The following FRMD4B variants were observed in gnomAD, a reference collection of about 807,000 sequenced individuals.
FRMD4B encodes the protein FERM domain-containing protein 4B.
FRMD4B carries 74 observed loss-of-function variants against 141.5 expected under a neutral mutation model. The ratio of observed to expected loss-of-function variants is 0.52; its 90% confidence interval spans 0.43 to 0.63. The LOEUF (loss-of-function observed/expected upper bound fraction) is 0.63, where lower values mean the gene tolerates loss of function less well. Ranked by LOEUF, FRMD4B falls within the 30% of genes least tolerant of loss-of-function variation. The pLI, the probability that FRMD4B is intolerant of heterozygous loss-of-function variation, is 0.00. For missense variants in FRMD4B, 1,366 were observed against 1,253.4 expected (o/e 1.09, Z -1.36); for synonymous variants, 506 against 467.9 (o/e 1.08, Z -1.05).
At chr3:69,222,028 C>T (rs2093200472) in intron 8 of FRMD4B, 105 bp from the exon 9 acceptor site, 1 of 696,402 alleles carries the variant, frequency 1.4e-6, no homozygotes, top group Admixed American at 2.2e-5. Flanking sequence ...GAGAGAAAGC[C>T]TTCACCAACT....
chr3:69,247,851 G>A (rs887290713), intron 7 of FRMD4B, among the ~76,000 whole-genome samples: 1 of 152,176 alleles, frequency 6.6e-6, no homozygotes, highest in Admixed American at 6.5e-5. Context: ...GGGTTTCACC[G>A]TGTTAGTCAA....
intron 1 of FRMD4B, among the ~76,000 whole-genome samples, chr3:69,316,947 C>T (rs528602104): frequency 2.5e-4 from 38 of 152,148 alleles, no homozygotes; most frequent in Admixed American, 2.1e-3. Context: ...CATGGTGAAA[C>T]GCTGTCTCTA....
intron 2 of FRMD4B, among the ~76,000 whole-genome samples, chr3:69,416,435 T>G (rs1309025950): frequency 1.3e-5 from 2 of 152,212 alleles, no homozygotes; most frequent in African/African-American, 4.8e-5. Context: ...TGTGTGCCAC[T>G]GCACCCAGCT....
intron 1 of FRMD4B, chr3:69,536,288 T>TGGTAACTACTACCA: frequency 1.6e-6 from 1 of 630,338 alleles, no homozygotes; most frequent in Non-Finnish European, 2.9e-6. Context: ...GCCATCTCCC[T>TGGTAACTACTACCA]GGGCTGGATT....
intron 2 of FRMD4B, among the ~76,000 whole-genome samples, chr3:69,421,424 G>A (rs1704977111): frequency 6.6e-6 from 1 of 152,230 alleles, no homozygotes; most frequent in South Asian, 2.1e-4. Context: ...CAGGATGACA[G>A]GGAACAGTGG....
At chr3:69,247,297 A>T (rs1339422011) in intron 7 of FRMD4B, among the ~76,000 whole-genome samples, 1 of 152,046 alleles carries the variant, frequency 6.6e-6, no homozygotes, top group Non-Finnish European at 1.5e-5. Flanking sequence ...CTAAGTGGGG[A>T]AGGTGGGTTA....
intron 1 of FRMD4B, among the ~76,000 whole-genome samples, chr3:69,522,597 T>A (rs981582769): frequency 6.6e-6 from 1 of 152,150 alleles, no homozygotes; most frequent in Non-Finnish European, 1.5e-5. Flanking sequence ...AGGCTTCAGA[T>A]GACATTATTT....
At chr3:69,378,457 C>T (rs1274957876) in intron 1 of FRMD4B, among the ~76,000 whole-genome samples, 2 of 152,174 alleles carry the variant, frequency 1.3e-5, no homozygotes, top group Non-Finnish European at 2.9e-5. Context: ...ACCAAGCTTC[C>T]AGCCAACCAG....
intron 1 of FRMD4B, among the ~76,000 whole-genome samples, chr3:69,348,675 A>G (rs1278324329): frequency 6.6e-6 from 1 of 152,162 alleles, no homozygotes; most frequent in African/African-American, 2.4e-5. Context: ...CAAGGCTGGT[A>G]CAACATATGC....
Position 69,311,322 on chromosome 3 carries a change from C to T in FRMD4B, c.264G>A (p.Val88=). The T allele has an allele frequency of 6.2e-7, 1 of 1,603,666 alleles. No individual in the cohort carries two copies. The highest frequency in any genetic ancestry group is 8.5e-7 in the Non-Finnish European group (1 of 1,171,254). The stretch of plus-strand genomic sequence containing the variant: ...TTTCTTTCAGGTTGAAATGTGAAGC[C>T]ACTAGGTCCAGCAACTCTCTTGCTA... The part of the protein sequence containing the change: ...KLLARELLDL[V]ASHFNLKEKE... Residue 88 remains valine (V), a synonymous_variant, in exon 3 of 23, where the codon GTG becomes GTA. Transcript: ENST00000398540.
rs370000295 is a variant in FRMD4B, at chr3:69,327,960, G to A, written c.163-14443C>T. Among the ~76,000 whole-genome samples the A allele has an allele frequency of 2.2e-3, 334 of 152,252 alleles. 1 individual carries two copies. The highest frequency in any genetic ancestry group is 7.8e-3 in the African/African-American group (325 of 41,534). ...TCAGACTCTTTTTGAAGCCAATGTG[G>A]GATTCAACGATTAAAACAAAACAAC... On this transcript the variant is annotated intron_variant, in intron 1 of 22. Transcript: ENST00000398540.
chr3:69,318,827 G>A (rs1337861272), intron 1 of FRMD4B, among the ~76,000 whole-genome samples: 1 of 152,190 alleles, frequency 6.6e-6, no homozygotes, highest in Non-Finnish European at 1.5e-5. Context: ...GTAAGACCTG[G>A]AAATTCTGGG....
chr3:69,416,313 C>T (rs999814155), intron 2 of FRMD4B, among the ~76,000 whole-genome samples: 1 of 152,094 alleles, frequency 6.6e-6, no homozygotes, highest in African/African-American at 2.4e-5. Flanking sequence ...ACTCTGTTGC[C>T]CAGGCTAGAA....
chr3:69,356,070 T>C (rs1452999281), intron 1 of FRMD4B, among the ~76,000 whole-genome samples: 2 of 152,136 alleles, frequency 1.3e-5, no homozygotes, highest in South Asian at 2.1e-4. Context: ...CCGCTTTTCT[T>C]TGGGGACACC....
intron 1 of FRMD4B, among the ~76,000 whole-genome samples, chr3:69,339,699 C>G (rs1328199541): frequency 6.6e-6 from 1 of 152,138 alleles, no homozygotes; most frequent in African/African-American, 2.4e-5. Context: ...AACATTTCGA[C>G]TTGGGAGAGA....
chr3:69,317,754 CAAAAAAA>C lies in FRMD4B; in HGVS notation c.163-4244_163-4238del. Among the ~76,000 whole-genome samples the C allele has an allele frequency of 3.8e-5, 2 of 52,608 alleles. 1 individual carries two copies. The highest frequency in any genetic ancestry group is 6.6e-5 in the Non-Finnish European group (2 of 30,530). The allele number at this position is 52,608 out of a possible 152,430, so 34.5% of individuals were successfully genotyped here. A position where few individuals can be genotyped will look rare whatever the true frequency, so the allele number is the denominator to read the frequency against. On this transcript the variant is annotated intron_variant, in intron 1 of 22. Coordinates refer to ENST00000398540, the MANE Select transcript of FRMD4B (RefSeq NM_015123.3). The stretch of plus-strand genomic sequence containing the variant: ...TAGGTGACAGAGCAAGACACCAACT[CAAAAAAA>C]AAAAAAAAAAAAAAAAAGGAGGCAA...
rs559402343 is a variant in FRMD4B at position 69,278,655 on chromosome 3, C to T, written c.501+9097G>A. On this transcript the variant is annotated intron_variant, in intron 5 of 22. Transcript: ENST00000398540. ...AGGCAGGAGTGCAGCAGCGCAATCT[C>T]GGCTTACTGCAACCTCCACCTCCTG... Among the ~76,000 whole-genome samples, 236 of 151,094 alleles carry T rather than the reference C, an allele frequency of 1.6e-3. 1 individual carries two copies. The highest frequency in any genetic ancestry group is 5.5e-3 in the African/African-American group (228 of 41,106).
chr3:69,464,735 A>G (rs1190053591), intron 1 of FRMD4B, among the ~76,000 whole-genome samples: 2 of 152,208 alleles, frequency 1.3e-5, no homozygotes, highest in African/African-American at 4.8e-5. Context: ...TAAGGGAACA[A>G]CACACCGTCA....
At chr3:69,233,569 ATGTG>A (rs2093325674) in intron 7 of FRMD4B, among the ~76,000 whole-genome samples, 1 of 152,078 alleles carries the variant, frequency 6.6e-6, no homozygotes, top group Non-Finnish European at 1.5e-5. Flanking sequence ...ATTTCAGAAA[ATGTG>A]TATGTGGATG....
Sources: gnomAD v4.1 joint callset for allele counts (sites outside exome capture counted in the v4.1 genomes callset) on GRCh38, gnomAD v4.1.1 for gene constraint, MANE v1.5 for transcripts, NCBI Gene and HGNC (gene_info 2026-07-23, HGNC 2026-07-21) for gene names.